Variants in IGF2BP2 observed in about 807,000 individuals in gnomAD.
IGF2BP2 encodes the protein insulin like growth factor 2 mRNA binding protein 2, also known as insulin-like growth factor 2 mRNA-binding protein 2.
IGF2BP2 carries 17 observed loss-of-function variants against 75.8 expected under a neutral mutation model. The ratio of observed to expected loss-of-function variants is 0.22; its 90% CI spans 0.15 to 0.34. The LOEUF is 0.34. IGF2BP2 is among the 10% of genes least tolerant of loss of function. IGF2BP2 has a pLI of 1.00. For missense variants in IGF2BP2, 516 were observed against 772.4 expected (o/e 0.67, Z 3.93); for synonymous variants, 288 against 295.6 (o/e 0.97, Z 0.26).
chr3:185,653,406 G>A (rs57017784), intron 12 of IGF2BP2, among the ~76,000 whole-genome samples: 1 of 151,870 alleles, frequency 6.6e-6, no homozygotes, highest in Non-Finnish European at 1.5e-5. Flanking sequence ...AGATCACCTG[G>A]GGTCAGGAGT....
chr3:185,761,713 G>A (rs563902116), intron 2 of IGF2BP2, among the ~76,000 whole-genome samples: 1 of 152,278 alleles, frequency 6.6e-6, no homozygotes, highest in East Asian at 1.9e-4. Flanking sequence ...CAACTAATCT[G>A]GACCCAAGCT....
At chr3:185,734,138 G>C (rs765599289) in intron 2 of IGF2BP2, among the ~76,000 whole-genome samples, 1 of 152,144 alleles carries the variant, frequency 6.6e-6, no homozygotes, top group Non-Finnish European at 1.5e-5. Context: ...AGTTCCTCTA[G>C]GCAGCTGCTC....
intron 2 of IGF2BP2, among the ~76,000 whole-genome samples, chr3:185,747,275 C>T (rs1398360513): frequency 1.3e-5 from 2 of 152,182 alleles, no homozygotes; most frequent in East Asian, 1.9e-4. Flanking sequence ...AAACTGGTAA[C>T]GCTACGATTT....
At chr3:185,737,578 T>C (rs995560293) in intron 2 of IGF2BP2, among the ~76,000 whole-genome samples, 2 of 152,170 alleles carry the variant, frequency 1.3e-5, no homozygotes, top group Non-Finnish European at 2.9e-5. Context: ...AACAAAAAAA[T>C]TGGAAACAAG....
intron 12 of IGF2BP2, among the ~76,000 whole-genome samples, chr3:185,656,911 C>T (rs1715526332): frequency 6.6e-6 from 1 of 152,186 alleles, no homozygotes; most frequent in Non-Finnish European, 1.5e-5. Context: ...TAGTTCAGGG[C>T]CTGTGAAGTG....
intron 2 of IGF2BP2, among the ~76,000 whole-genome samples, chr3:185,819,891 T>C (rs940841283): frequency 6.6e-5 from 10 of 152,032 alleles, no homozygotes; most frequent in Admixed American, 5.2e-4. Flanking sequence ...ATACACAATG[T>C]AGTACATACA....
chr3:185,719,284 C>G (rs969502392), intron 2 of IGF2BP2, among the ~76,000 whole-genome samples: 1 of 152,130 alleles, frequency 6.6e-6, no homozygotes, highest in Non-Finnish European at 1.5e-5. Context: ...TGACAAAGCT[C>G]TACAAAACTG....
Position 185,675,376 on chromosome 3 carries a change from C to T in IGF2BP2, c.991G>A (p.Val331Ile). The T allele has an allele frequency of 1.2e-6, 2 of 1,613,060 alleles. No homozygotes were observed. Among genetic ancestry groups the T allele is most frequent in the East Asian group, 2.2e-5 (1 of 44,858 alleles). The stretch of plus-strand genomic sequence containing the variant: ...ATCTCAGCACTGGCACAGGCCTCAA[C>T]TGTGCCCTTCACAGTGATGGTTCTT... The part of the protein sequence containing the change: ...PERTITVKGT[V>I]EACASAEIEI... The change falls in exon 9 of 16, where the codon GTT becomes ATT. Residue 331 changes from valine to isoleucine, a missense_variant. Val to Ile is a conservative substitution (Grantham distance 29). Around this residue, in one of 3 missense-constraint regions of IGF2BP2, gnomAD observed 312 missense variants for 474.5 expected, o/e 0.66. Transcript: ENST00000382199.
intron 2 of IGF2BP2, among the ~76,000 whole-genome samples, chr3:185,771,632 G>GAGA (rs1382434343): frequency 6.6e-6 from 1 of 152,088 alleles, no homozygotes. Flanking sequence ...AGATAACCAA[G>GAGA]GCTCTGGCTG....
At chr3:185,713,102 GCAAGAGACATATA>G in intron 2 of IGF2BP2, 2 of 265,472 alleles carry the variant, frequency 7.5e-6, no homozygotes, top group East Asian at 8.3e-5. Context: ...GTGTGTGTGT[GCAAGAGACATATA>G]TGTGTGTGTG....
chr3:185,686,982 A>C, intron 7 of IGF2BP2, 75 bp downstream of exon 7: 1 of 1,534,146 alleles, frequency 6.5e-7, no homozygotes, highest in Non-Finnish European at 8.8e-7. Context: ...TTTTAAAAAA[A>C]ACCTCTTGGG....
intron 2 of IGF2BP2, among the ~76,000 whole-genome samples, chr3:185,711,009 C>G (rs1267548484): frequency 6.6e-6 from 1 of 151,974 alleles, no homozygotes; most frequent in African/African-American, 2.4e-5. Context: ...ACAATAAAAA[C>G]TACTTTTTAA....
At chr3:185,823,249 T>C in intron 1 of IGF2BP2, 36 bp from the exon 2 acceptor site, 1 of 1,547,628 alleles carries the variant, frequency 6.5e-7, no homozygotes, top group Non-Finnish European at 8.8e-7. Flanking sequence ...AGAACCTTGC[T>C]TAGATCAAGC....
intron 2 of IGF2BP2, among the ~76,000 whole-genome samples, chr3:185,769,830 C>CAAAA (rs35418660): frequency 3.2e-4 from 25 of 77,152 alleles, no homozygotes; most frequent in South Asian, 4.3e-4. Context: ...ACCCTGTCTC[C>CAAAA]AAAAAAAAAA....
chr3:185,656,324 T>C (rs1715433318), intron 12 of IGF2BP2, among the ~76,000 whole-genome samples: 1 of 152,236 alleles, frequency 6.6e-6, no homozygotes, highest in Non-Finnish European at 1.5e-5. Context: ...GCAGATAAGA[T>C]AAATGAGGTC....
At chr3:185,697,223 A>G (rs1722698357) in intron 3 of IGF2BP2, among the ~76,000 whole-genome samples, 1 of 152,124 alleles carries the variant, frequency 6.6e-6, no homozygotes, top group African/African-American at 2.4e-5. Context: ...CTCCTGCCTC[A>G]GCCTCCCGAG....
chr3:185,804,785 C>T (rs1442548997), intron 2 of IGF2BP2, among the ~76,000 whole-genome samples: 4 of 151,652 alleles, frequency 2.6e-5, no homozygotes, highest in African/African-American at 2.4e-5. Flanking sequence ...GTCAGGACAT[C>T]GAGACCATCC....
At chr3:185,722,282 G>A (rs977509301) in intron 2 of IGF2BP2, 4 of 456,294 alleles carry the variant, frequency 8.8e-6, no homozygotes, top group Non-Finnish European at 1.3e-5. Context: ...GGCACAAAAA[G>A]AGGAAATCAC....
chr3:185,820,134 G>A (rs1329319313), intron 2 of IGF2BP2, among the ~76,000 whole-genome samples: 1 of 151,542 alleles, frequency 6.6e-6, no homozygotes, highest in East Asian at 1.9e-4. Flanking sequence ...GTTTCTCACA[G>A]AATCATTCAA....
Sources: allele counts gnomAD v4.1 joint callset (sites outside exome capture counted in the v4.1 genomes callset), GRCh38; gene constraint gnomAD v4.1.1; regional missense constraint gnomAD v4.1.1; transcripts MANE v1.5; gene names NCBI Gene and HGNC (gene_info 2026-07-23, HGNC 2026-07-21).